WDR7: variants seen among roughly 807,000 people sequenced by gnomAD.
The protein encoded by WDR7 is WD repeat domain 7.
WDR7 carries 46 observed loss-of-function variants against 169.4 expected under a neutral mutation model. The ratio of observed to expected loss-of-function variants is 0.27; its 90% confidence interval spans 0.21 to 0.35. The LOEUF is 0.35. Among genes scored for constraint, WDR7 ranks in the 10% least tolerant of loss-of-function variants. The pLI is 1.00. For synonymous variants in WDR7, 612 were observed against 666.8 expected (o/e 0.92, Z 1.27); for missense variants, 1,534 against 1,859.3 (o/e 0.83, Z 3.22).
intron 21 of WDR7, among the ~76,000 whole-genome samples, chr18:56,919,933 G>T (rs548481446): frequency 3.9e-5 from 6 of 152,152 alleles, no homozygotes; most frequent in Non-Finnish European, 8.8e-5. Context: ...CTTTGTAATG[G>T]TTTTTTATTA....
intron 14 of WDR7, among the ~76,000 whole-genome samples, chr18:56,750,185 G>T (rs1208072090): frequency 1.3e-5 from 2 of 152,088 alleles, no homozygotes; most frequent in Non-Finnish European, 2.9e-5. Context: ...CAATGAGGAA[G>T]CAATCCAATA....
intron 21 of WDR7, among the ~76,000 whole-genome samples, chr18:56,909,008 G>C (rs2046517760): frequency 6.6e-6 from 1 of 152,114 alleles, no homozygotes. Context: ...ATATGTACAG[G>C]AGTATGGAGG....
At chr18:56,969,051 G>T (rs373440281) in intron 26 of WDR7, among the ~76,000 whole-genome samples, 1 of 152,150 alleles carries the variant, frequency 6.6e-6, no homozygotes, top group Admixed American at 6.5e-5. Context: ...CCAGGGCCCT[G>T]CCTAAACTCC....
At chr18:56,800,663 G>C (rs1381399464) in intron 19 of WDR7, among the ~76,000 whole-genome samples, 1 of 152,214 alleles carries the variant, frequency 6.6e-6, no homozygotes, top group Non-Finnish European at 1.5e-5. Flanking sequence ...ACTGTCTGAG[G>C]AATATAACTT....
intron 13 of WDR7, among the ~76,000 whole-genome samples, chr18:56,718,481 C>T (rs1393387271): frequency 6.6e-6 from 1 of 152,156 alleles, no homozygotes; most frequent in Admixed American, 6.5e-5. Context: ...CTCAGGTTTA[C>T]ATACGGTGAA....
intron 26 of WDR7, 119 bp downstream of exon 26, chr18:56,962,648 G>GCT: frequency 1.2e-6 from 1 of 862,414 alleles, no homozygotes; most frequent in Non-Finnish European, 1.9e-6. Flanking sequence ...TAATGCTAAA[G>GCT]GGATCAATAG....
At chr18:56,745,205 A>G (rs1331658394) in intron 14 of WDR7, among the ~76,000 whole-genome samples, 1 of 152,208 alleles carries the variant, frequency 6.6e-6, no homozygotes, top group Non-Finnish European at 1.5e-5. Flanking sequence ...GATGAACCTA[A>G]TAGGAACTTG....
At chr18:56,729,422 T>C (rs1287916286) in intron 13 of WDR7, among the ~76,000 whole-genome samples, 1 of 152,162 alleles carries the variant, frequency 6.6e-6, no homozygotes, top group Admixed American at 6.5e-5. Flanking sequence ...AACCAAGTAG[T>C]GTACATCTAT....
intron 20 of WDR7, among the ~76,000 whole-genome samples, chr18:56,861,912 T>C (rs2045809084): frequency 6.6e-6 from 1 of 152,130 alleles, no homozygotes; most frequent in Non-Finnish European, 1.5e-5. Flanking sequence ...CGTTGGACTT[T>C]TTCAGTACTT....
chr18:56,910,038 C>T (rs1274711656), intron 21 of WDR7, among the ~76,000 whole-genome samples: 1 of 152,124 alleles, frequency 6.6e-6, no homozygotes, highest in Non-Finnish European at 1.5e-5. Context: ...ACACACCCTG[C>T]CATACATATG....
At chr18:56,920,800 A>G (rs182706349) in intron 21 of WDR7, among the ~76,000 whole-genome samples, 3 of 152,344 alleles carry the variant, frequency 2.0e-5, no homozygotes, top group Admixed American at 1.3e-4. Flanking sequence ...ATGGGAGGCA[A>G]AATTCATAAA....
intron 6 of WDR7, 103 bp downstream of exon 6, chr18:56,686,135 A>T: frequency 1.0e-6 from 1 of 972,078 alleles, no homozygotes; most frequent in Non-Finnish European, 1.5e-6. Context: ...GGGAAGGAAA[A>T]AGTGATTATT....
At chr18:56,766,781 C>T (rs571978991) in intron 16 of WDR7, among the ~76,000 whole-genome samples, 1 of 152,256 alleles carries the variant, frequency 6.6e-6, no homozygotes, top group Non-Finnish European at 1.5e-5. Context: ...TTGTCTCTAC[C>T]TAACTGCTTT....
chr18:57,017,593 C>G lies in WDR7; in HGVS notation c.4165-3152C>G, dbSNP rs142043798. Reference sequence around the variant, plus strand: ...CAAGAAAGTTAAACTCAGTATATGACAGGACTTCAACAACAACAAATGAAA... The same window carrying G: ...CAAGAAAGTTAAACTCAGTATATGAGAGGACTTCAACAACAACAAATGAAA... On this transcript the variant is annotated intron_variant, in intron 26 of 27. Transcript: ENST00000254442. Among the ~76,000 whole-genome samples the G allele has an allele frequency of 2.0e-5, 3 of 151,706 alleles. No homozygotes were observed. The East Asian group carries it at 5.8e-4, about 29-fold the overall frequency.
chr18:56,831,029 AG>A (rs2045299063), intron 20 of WDR7, among the ~76,000 whole-genome samples: 1 of 152,212 alleles, frequency 6.6e-6, no homozygotes. Flanking sequence ...CCACTGTAGA[AG>A]CATGATCTTC....
intron 14 of WDR7, among the ~76,000 whole-genome samples, chr18:56,755,370 G>A (rs2043869010): frequency 6.6e-6 from 1 of 152,114 alleles, no homozygotes; most frequent in Admixed American, 6.5e-5. Flanking sequence ...TTTTTTGGTA[G>A]AGTGACATGA....
intron 26 of WDR7, among the ~76,000 whole-genome samples, chr18:56,991,217 G>A (rs1434938335): frequency 6.9e-6 from 1 of 144,954 alleles, no homozygotes; most frequent in Non-Finnish European, 1.5e-5. Context: ...CACGATCGCG[G>A]CTCACCGCAA....
chr18:56,809,289 T>G (rs1287391412), intron 19 of WDR7, among the ~76,000 whole-genome samples: 1 of 152,148 alleles, frequency 6.6e-6, no homozygotes, highest in Admixed American at 6.6e-5. Flanking sequence ...TTTTATCATA[T>G]CTCTTTCCCC....
At chr18:56,923,535 T>C (rs1348932223) in intron 21 of WDR7, among the ~76,000 whole-genome samples, 1 of 152,246 alleles carries the variant, frequency 6.6e-6, no homozygotes, top group East Asian at 1.9e-4. Flanking sequence ...ATTTTACATA[T>C]GAACTGTGTT....
Sources: allele counts gnomAD v4.1 joint callset (sites outside exome capture counted in the v4.1 genomes callset), GRCh38; gene constraint gnomAD v4.1.1; transcripts MANE v1.5; gene names NCBI Gene and HGNC (gene_info 2026-07-23, HGNC 2026-07-21).